DMD: variants seen among roughly 807,000 people sequenced by gnomAD.
DMD encodes the protein mutant dystrophin.
Under a neutral mutation model 330.1 loss-of-function variants are expected in DMD, and 63 were observed. That is an observed-to-expected ratio of 0.19 (90% CI 0.16 to 0.24). The LOEUF (loss-of-function observed/expected upper bound fraction) is 0.24, where lower values mean the gene tolerates loss of function less well. Among genes scored for constraint, DMD ranks in the 10% least tolerant of loss-of-function variants. The pLI is 1.00. For missense variants in DMD, 3,344 were observed against 2,684.1 expected (o/e 1.25, Z -5.43); for synonymous variants, 1,223 against 959.8 (o/e 1.27, Z -5.07).
At chrX:32,490,748 G>A (rs1444953145) in intron 20 of DMD, among the ~76,000 whole-genome samples, 1 of 111,583 alleles carries the variant, frequency 9.0e-6, no homozygotes, top group East Asian at 2.8e-4. Flanking sequence ...TACACTATCC[G>A]GTGTGGTTCC....
At chrX:32,323,999 G>C (rs2097636190) in intron 41 of DMD, among the ~76,000 whole-genome samples, 1 of 110,777 alleles carries the variant, frequency 9.0e-6, no homozygotes, top group African/African-American at 3.3e-5. Context: ...AAGAGTGTAG[G>C]TGGGCGGAAT....
chrX:32,552,007 T>C (rs762680442), intron 16 of DMD, among the ~76,000 whole-genome samples: 1 of 112,281 alleles, frequency 8.9e-6, no homozygotes, highest in African/African-American at 3.2e-5. Flanking sequence ...AAATATTCTA[T>C]GCTCATGGAA....
At chrX:32,186,849 A>G (rs1353514962) in intron 44 of DMD, among the ~76,000 whole-genome samples, 1 of 110,946 alleles carries the variant, frequency 9.0e-6, no homozygotes, top group Non-Finnish European at 1.9e-5. Context: ...GGTGGGGAAG[A>G]GAGTAAAGAA....
At chrX:33,194,973 T>A (rs2148808665) in intron 1 of DMD, among the ~76,000 whole-genome samples, 1 of 112,079 alleles carries the variant, frequency 8.9e-6, no homozygotes, top group African/African-American at 3.2e-5. Context: ...ATCCTATTTT[T>A]GTTTTCAGAG....
intron 2 of DMD, among the ~76,000 whole-genome samples, chrX:32,939,097 G>A (rs1407217262): frequency 9.2e-6 from 1 of 109,043 alleles, no homozygotes; most frequent in Non-Finnish European, 1.9e-5. Flanking sequence ...TCCATTAGCA[G>A]GTATCATATA....
At chrX:31,244,338 TA>T (rs1175641196) in intron 63 of DMD, among the ~76,000 whole-genome samples, 1 of 112,149 alleles carries the variant, frequency 8.9e-6, no homozygotes, top group East Asian at 2.8e-4. Flanking sequence ...TTTCATAGGA[TA>T]AATGTTACTT....
At chrX:32,898,376 C>G (rs1360128311) in intron 2 of DMD, among the ~76,000 whole-genome samples, 1 of 112,130 alleles carries the variant, frequency 8.9e-6, no homozygotes, top group Non-Finnish European at 1.9e-5. Flanking sequence ...GCCCCAAAAT[C>G]AGGGCTTGGC....
At chrX:31,597,967 TAA>T (rs1472439555) in intron 55 of DMD, among the ~76,000 whole-genome samples, 2 of 111,737 alleles carry the variant, frequency 1.8e-5, no homozygotes, top group Non-Finnish European at 3.8e-5. Context: ...GGGACTCTAA[TAA>T]GTATCTAGGT....
chrX:33,313,499 G>A (rs183220031), intron 1 of DMD, among the ~76,000 whole-genome samples: 310 of 111,312 alleles, frequency 2.8e-3, no homozygotes, highest in Non-Finnish European at 3.7e-3. Context: ...AAGATGTACT[G>A]CAATTTTAAG....
chrX:33,300,428 T>C (rs898848936), intron 1 of DMD, among the ~76,000 whole-genome samples: 5 of 112,435 alleles, frequency 4.4e-5, no homozygotes, highest in African/African-American at 1.6e-4. Context: ...AACCTTTTCC[T>C]ATCTTGCTGA....
At chrX:32,011,984 C>T (rs1230017341) in intron 44 of DMD, among the ~76,000 whole-genome samples, 4 of 111,798 alleles carry the variant, frequency 3.6e-5, no homozygotes, top group Admixed American at 1.9e-4. Flanking sequence ...CTTTGGCTTC[C>T]TATTTTATCT....
intron 7 of DMD, among the ~76,000 whole-genome samples, chrX:32,807,853 ATCTTC>A (rs1396297567): frequency 8.9e-6 from 1 of 111,896 alleles, no homozygotes; most frequent in African/African-American, 3.2e-5. Context: ...CTATTTTTAA[ATCTTC>A]TCTTACTGTT....
At chrX:32,755,723 A>G (rs1273939125) in intron 7 of DMD, among the ~76,000 whole-genome samples, 2 of 112,276 alleles carry the variant, frequency 1.8e-5, no homozygotes, top group African/African-American at 3.2e-5. Flanking sequence ...CCTTAGCACT[A>G]TATTTTCTAA....
intron 52 of DMD, among the ~76,000 whole-genome samples, chrX:31,681,355 C>G (rs1422879694): frequency 9.8e-6 from 1 of 102,099 alleles, no homozygotes; most frequent in Non-Finnish European, 1.9e-5. Context: ...AACCTTGCAA[C>G]AGTAGAGCTG....
intron 1 of DMD, among the ~76,000 whole-genome samples, chrX:33,160,341 G>T (rs746760094): frequency 1.8e-5 from 2 of 111,489 alleles, no homozygotes; most frequent in South Asian, 3.8e-4. Flanking sequence ...CTCTAGGGTG[G>T]ACTCAGCTAC....
intron 54 of DMD, among the ~76,000 whole-genome samples, chrX:31,651,614 C>T (rs2080457251): frequency 9.0e-6 from 1 of 111,328 alleles, no homozygotes; most frequent in East Asian, 2.8e-4. Flanking sequence ...AAATATGTTA[C>T]TCCTGGAGCC....
In DMD at chrX:31,206,963, G is replaced by GA. The variant is rs60304693; in HGVS notation, c.9564-297dup. Among the ~76,000 whole-genome samples the GA allele has an allele frequency of 7.4e-3, 800 of 108,572 alleles. 7 individuals are homozygous for GA. Among genetic ancestry groups the GA allele is most frequent in the African/African-American group, 0.022 (668 of 29,873 alleles). The allele number at this position is 108,572 out of a possible 115,157, so 94.3% of individuals were successfully genotyped here. ...ACTGCAAAAGTTCTACATAAATTAA[G>GA]AAAAAAAAATTCTATTCACCTATGG... is the stretch of plus-strand genomic sequence containing the variant. On this transcript the variant is annotated intron_variant, in intron 65 of 78. Coordinates refer to ENST00000357033, the MANE Select transcript of DMD (RefSeq NM_004006.3).
chrX:31,528,017 T>TA (rs1045605013), intron 55 of DMD, among the ~76,000 whole-genome samples: 2 of 111,295 alleles, frequency 1.8e-5, no homozygotes, highest in Admixed American at 9.6e-5. Context: ...CTTTAGTCAT[T>TA]AAAAAAATCT....
intron 1 of DMD, among the ~76,000 whole-genome samples, chrX:33,110,885 A>T (rs2095334500): frequency 9.0e-6 from 1 of 111,248 alleles, no homozygotes; most frequent in South Asian, 3.8e-4. Context: ...ATCACATCAC[A>T]AGAGAGAAAT....
Sources: gnomAD v4.1 joint callset for allele counts (sites outside exome capture counted in the v4.1 genomes callset) on GRCh38, gnomAD v4.1.1 for gene constraint, MANE v1.5 for transcripts, NCBI Gene and HGNC (gene_info 2026-07-23, HGNC 2026-07-21) for gene names.